The following RBFOX1 variants were observed in gnomAD, a reference collection of about 807,000 sequenced individuals.
RBFOX1 encodes RNA binding protein fox-1 homolog 1.
In RBFOX1, 8 loss-of-function variants were observed where a neutral mutation model predicts 57.7. The observed-to-expected ratio is 0.14, with a 90% CI of 0.08 to 0.25. The LOEUF (loss-of-function observed/expected upper bound fraction) is 0.25. RBFOX1 is among the 10% of genes least tolerant of loss of function. The probability of loss-of-function intolerance (pLI) is 1.00; values close to 1 mark genes in which losing one functional copy is unlikely to be tolerated. For missense variants in RBFOX1, 611 were observed against 548.5 expected (o/e 1.11, Z -1.14); for synonymous variants, 326 against 222.4 (o/e 1.47, Z -4.15).
At chr16:5,464,087 G>A (rs946039127) in intron 1 of RBFOX1, among the ~76,000 whole-genome samples, 3 of 152,210 alleles carry the variant, frequency 2.0e-5, no homozygotes, top group African/African-American at 7.2e-5. Flanking sequence ...GGCTCAATGG[G>A]CTGGGAGAAC....
At chr16:6,471,999 T>G (rs2095186706) in intron 2 of RBFOX1, among the ~76,000 whole-genome samples, 1 of 152,236 alleles carries the variant, frequency 6.6e-6, no homozygotes, top group African/African-American at 2.4e-5. Flanking sequence ...CTTTATCTCC[T>G]TGTCTCTCCA....
intron 3 of RBFOX1, among the ~76,000 whole-genome samples, chr16:6,984,758 A>G (rs374180753): frequency 2.0e-5 from 3 of 152,086 alleles, no homozygotes; most frequent in African/African-American, 7.2e-5. Flanking sequence ...CTCCTGCCTC[A>G]GCCTCCTGAG....
intron 2 of RBFOX1, among the ~76,000 whole-genome samples, chr16:6,557,152 C>T (rs2097115651): frequency 7.0e-6 from 1 of 142,834 alleles, no homozygotes; most frequent in Non-Finnish European, 1.5e-5. Flanking sequence ...TATATACACA[C>T]ATATATATAC....
intron 4 of RBFOX1, among the ~76,000 whole-genome samples, chr16:5,969,412 A>G (rs1201191909): frequency 6.8e-6 from 1 of 147,484 alleles, no homozygotes; most frequent in African/African-American, 2.5e-5. Flanking sequence ...TCTGGGTTCA[A>G]GCGATTCTCC....
At chr16:6,876,819 C>A (rs1385826065) in intron 3 of RBFOX1, among the ~76,000 whole-genome samples, 1 of 151,938 alleles carries the variant, frequency 6.6e-6, no homozygotes, top group South Asian at 2.1e-4. Flanking sequence ...TAAAACTGAC[C>A]GAAAGATGGA....
chr16:5,733,621 A>G lies in RBFOX1; in HGVS notation c.319-133682A>G, dbSNP rs113306263. Among the ~76,000 whole-genome samples the G allele has an allele frequency of 3.9e-3, 590 of 152,222 alleles. 2 individuals carry two copies. The highest frequency in any genetic ancestry group is 0.013 in the African/African-American group (520 of 41,522). ...GGTCACCTAGTCCCCAAGGTGCCTC[A>G]TGATGTTACTCTTGTCCACTTGCAG... On this transcript the variant is annotated intron_variant, in intron 3 of 19. Transcript: ENST00000641259.
chr16:6,180,903 A>T (rs991975048), intron 1 of RBFOX1, among the ~76,000 whole-genome samples: 1 of 152,016 alleles, frequency 6.6e-6, no homozygotes, highest in African/African-American at 2.4e-5. Context: ...AAGTTTTTAT[A>T]TTATCTATAT....
intron 14 of RBFOX1, 117 bp downstream of exon 14, chr16:7,676,955 CA>C (rs1242376175): frequency 3.9e-6 from 4 of 1,021,936 alleles, no homozygotes; most frequent in Non-Finnish European, 6.0e-6. Context: ...GGTAGCACCC[CA>C]AAAGTTAGGT....
At chr16:6,686,319 C>G (rs2059429242) in intron 3 of RBFOX1, among the ~76,000 whole-genome samples, 1 of 152,160 alleles carries the variant, frequency 6.6e-6, no homozygotes, top group Non-Finnish European at 1.5e-5. Flanking sequence ...TTTGTGTGGG[C>G]TTAGTCTGAG....
rs1178577326 is a variant in RBFOX1 at position 7,482,542 on chromosome 16, ATTTTTTTTTTTT to A, written c.28-35590_28-35579del. On this transcript the variant is annotated intron_variant, in intron 4 of 15. Transcript: ENST00000550418. ...TGCATCTTCCCTTTGATTGCCTGGG[ATTTTTTTTTTTT>A]TTTTTTTTTTTTTTGGAAAGCAGTC... is the stretch of plus-strand genomic sequence containing the variant. Among the ~76,000 whole-genome samples the A allele has an allele frequency of 1.0e-4, 8 of 77,190 alleles. No individual in the cohort carries two copies. In the East Asian group the frequency reaches 2.2e-3, roughly 21 times the overall value. The allele number at this position is 77,190 out of a possible 152,430, so 50.6% of individuals were successfully genotyped here.
At chr16:6,653,996 G>C (rs1255295564) in intron 2 of RBFOX1, among the ~76,000 whole-genome samples, 2 of 149,658 alleles carry the variant, frequency 1.3e-5, no homozygotes, top group African/African-American at 2.4e-5. Flanking sequence ...TGGATGGATG[G>C]ATGGATGGAT....
intron 3 of RBFOX1, among the ~76,000 whole-genome samples, chr16:5,732,913 G>A (rs924570974): frequency 1.3e-4 from 20 of 152,258 alleles, no homozygotes; most frequent in African/African-American, 4.8e-4. Context: ...TGATGGGAAT[G>A]CCTGCCTTAT....
intron 3 of RBFOX1, among the ~76,000 whole-genome samples, chr16:6,931,327 A>C (rs1330838762): frequency 3.3e-5 from 4 of 122,144 alleles, no homozygotes; most frequent in African/African-American, 1.1e-4. Context: ...CTATCTATCT[A>C]TCTATCTATC....
At chr16:6,745,940 T>C (rs2154186767) in intron 3 of RBFOX1, among the ~76,000 whole-genome samples, 1 of 152,350 alleles carries the variant, frequency 6.6e-6, no homozygotes. Context: ...AGTTGCAGGA[T>C]GCAGTATCAA....
intron 4 of RBFOX1, among the ~76,000 whole-genome samples, chr16:7,446,620 C>G (rs928297847): frequency 6.6e-6 from 1 of 152,048 alleles, no homozygotes; most frequent in Non-Finnish European, 1.5e-5. Flanking sequence ...TCAGATCAAG[C>G]TTCCTGAACC....
chr16:7,466,178 A>G (rs2060483274), intron 4 of RBFOX1, among the ~76,000 whole-genome samples: 1 of 152,232 alleles, frequency 6.6e-6, no homozygotes, highest in Non-Finnish European at 1.5e-5. Context: ...CCAAAAAGCT[A>G]GCACAGTTGT....
intron 4 of RBFOX1, among the ~76,000 whole-genome samples, chr16:7,228,257 G>A (rs528747042): frequency 1.7e-4 from 25 of 151,478 alleles, no homozygotes; most frequent in African/African-American, 5.9e-4. Context: ...ATGAACTTCC[G>A]ACTGATCAGA....
intron 3 of RBFOX1, among the ~76,000 whole-genome samples, chr16:6,856,439 C>T (rs996077515): frequency 6.6e-6 from 1 of 152,106 alleles, no homozygotes; most frequent in Non-Finnish European, 1.5e-5. Flanking sequence ...ACTCAGGAGA[C>T]AGCAGGACCA....
chr16:7,378,476 C>G (rs2097726010), intron 4 of RBFOX1, among the ~76,000 whole-genome samples: 1 of 152,114 alleles, frequency 6.6e-6, no homozygotes, highest in Non-Finnish European at 1.5e-5. Context: ...CCTTCTGAGC[C>G]GGCTGGTACT....
Sources: allele counts gnomAD v4.1 joint callset (sites outside exome capture counted in the v4.1 genomes callset), GRCh38; gene constraint gnomAD v4.1.1; transcripts MANE v1.5; gene names NCBI Gene and HGNC (gene_info 2026-07-23, HGNC 2026-07-21).